IQCM: variants seen among roughly 807,000 people sequenced by gnomAD.
The protein encoded by IQCM is IQ domain-containing protein M.
Under a neutral mutation model 57.6 loss-of-function variants are expected in IQCM, and 45 were observed. The ratio of observed to expected loss-of-function variants is 0.78; its 90% confidence interval spans 0.62 to 1.00. The LOEUF (loss-of-function observed/expected upper bound fraction) is 1.00. Ranked by LOEUF, IQCM falls within the 50% of genes least tolerant of loss-of-function variation. IQCM has a pLI of 0.00. For synonymous variants in IQCM, 148 were observed against 158.9 expected, an observed-to-expected ratio of 0.93 and a Z score of 0.51; for missense variants, 468 against 511.6, an observed-to-expected ratio of 0.91 and a Z score of 0.82.
Position 149,616,041 on chromosome 4 carries a change from T to C in IQCM, c.681+5088A>G, listed in dbSNP as rs555449079. Among the ~76,000 whole-genome samples the C allele has an allele frequency of 4.0e-4, 61 of 152,274 alleles. 2 individuals carry two copies. The highest frequency in any genetic ancestry group is 1.4e-3 in the African/African-American group (58 of 41,550). On this transcript the variant is annotated intron_variant, in intron 8 of 13. Transcript: ENST00000636793. ...ACAGCCACTGTGGAAAATGATATGG[T>C]TATTCCTCAAAAAATTAAACAGAGA... is the stretch of plus-strand genomic sequence containing the variant.
At chr4:149,730,903 G>A (rs1766398422) in intron 5 of IQCM, among the ~76,000 whole-genome samples, 1 of 152,138 alleles carries the variant, frequency 6.6e-6, no homozygotes, top group Non-Finnish European at 1.5e-5. Context: ...TTAAACAAAT[G>A]TTAGGTGAAG....
chr4:149,396,584 A>G (rs946793263), intron 13 of IQCM, among the ~76,000 whole-genome samples: 1 of 152,024 alleles, frequency 6.6e-6, no homozygotes, highest in Admixed American at 6.6e-5. Context: ...AACATTTAAC[A>G]TGAGGTTTAC....
chr4:149,397,785 C>T (rs1397373786), intron 13 of IQCM, among the ~76,000 whole-genome samples: 2 of 151,518 alleles, frequency 1.3e-5, no homozygotes, highest in African/African-American at 4.8e-5. Context: ...TCTTATTTTG[C>T]TATTGAGTTG....
At chr4:149,365,358 C>G (rs559962668) in intron 13 of IQCM, among the ~76,000 whole-genome samples, 1 of 152,022 alleles carries the variant, frequency 6.6e-6, no homozygotes, top group Non-Finnish European at 1.5e-5. Flanking sequence ...AGAATTCAAA[C>G]TATAAAAGAA....
chr4:149,616,397 A>T (rs1755791906), intron 8 of IQCM, among the ~76,000 whole-genome samples: 1 of 152,128 alleles, frequency 6.6e-6, no homozygotes, highest in Non-Finnish European at 1.5e-5. Context: ...ATTAACGAAA[A>T]CAGAAAGTAG....
chr4:149,748,694 A>T (rs1768157905), intron 2 of IQCM: 1 of 152,194 alleles, frequency 6.6e-6, no homozygotes, highest in Non-Finnish European at 1.5e-5. Context: ...AAAGCTTACC[A>T]ACAGATGATG....
chr4:149,583,606 T>G (rs1014503323), intron 9 of IQCM, among the ~76,000 whole-genome samples: 1 of 151,660 alleles, frequency 6.6e-6, no homozygotes, highest in Non-Finnish European at 1.5e-5. Flanking sequence ...GAGTGTTTTA[T>G]TCATGGAATG....
At chr4:149,628,317 T>G (rs1756985480) in intron 7 of IQCM, among the ~76,000 whole-genome samples, 3 of 152,150 alleles carry the variant, frequency 2.0e-5, no homozygotes, top group Non-Finnish European at 4.4e-5. Flanking sequence ...TAACTAAAAG[T>G]TTAACAATAA....
intron 9 of IQCM, among the ~76,000 whole-genome samples, chr4:149,583,597 A>T (rs1314057399): frequency 6.6e-6 from 1 of 151,590 alleles, no homozygotes; most frequent in Non-Finnish European, 1.5e-5. Context: ...ACATCAAAAG[A>T]GTGTTTTATT....
chr4:149,758,713 C>T (rs531864407), intron 2 of IQCM, among the ~76,000 whole-genome samples: 2 of 146,768 alleles, frequency 1.4e-5, no homozygotes, highest in South Asian at 4.4e-4. Context: ...AGATGCTTTA[C>T]ATTATACATC....
rs183430120 is a variant in IQCM, at chr4:149,580,370, G to T, written c.749+7560C>A. 1.8e-3 allele frequency among the ~76,000 whole-genome samples: 267 copies of T among 151,936 alleles called. No individual in the cohort carries two copies. In the Middle Eastern group the frequency reaches 0.021, roughly 12 times the overall value. On this transcript the variant is annotated intron_variant, in intron 9 of 13. Coordinates refer to ENST00000636793, the MANE Select transcript of IQCM (RefSeq NM_001363507.2). ...CTAGGCCAGTAAATTAAATCTTAGA[G>T]TCTATCAGTTATCAACTGGATGTTG...
chr4:149,445,138 T>C (rs1360271389), intron 12 of IQCM, among the ~76,000 whole-genome samples: 3 of 151,862 alleles, frequency 2.0e-5, no homozygotes, highest in Non-Finnish European at 4.4e-5. Flanking sequence ...GTGAACAATA[T>C]AACCTGTGGA....
chr4:149,422,526 A>G (rs1332225856), intron 13 of IQCM, among the ~76,000 whole-genome samples: 1 of 152,050 alleles, frequency 6.6e-6, no homozygotes, highest in Non-Finnish European at 1.5e-5. Context: ...AGACTAATAA[A>G]TAGACAAATG....
intron 13 of IQCM, among the ~76,000 whole-genome samples, chr4:149,406,014 T>C (rs1732956281): frequency 6.6e-6 from 1 of 151,338 alleles, no homozygotes; most frequent in African/African-American, 2.4e-5. Flanking sequence ...ACCACAGATA[T>C]GCTGTTCTTA....
At chr4:149,726,359 C>T (rs1381442255) in intron 5 of IQCM, among the ~76,000 whole-genome samples, 1 of 152,148 alleles carries the variant, frequency 6.6e-6, no homozygotes, top group African/African-American at 2.4e-5. Flanking sequence ...CATCTGCACT[C>T]ATGTCCCTGC....
rs1174021242 is a variant in IQCM, at chr4:149,632,144, T to C, written c.566-10900A>G. Among the ~76,000 whole-genome samples, 3 of 152,238 alleles carry C rather than the reference T, an allele frequency of 2.0e-5. No individual in the cohort carries two copies. In the East Asian group the frequency reaches 5.8e-4, roughly 29 times the overall value. On this transcript the variant is annotated intron_variant, in intron 7 of 13. Transcript: ENST00000636793. ...GCATTGGGAAATCTAGAACTGAGAA[T>C]GACTGGGGTCAGGGGATGACTTTCC...
At chr4:149,641,267 T>C (rs1254367139) in intron 7 of IQCM, among the ~76,000 whole-genome samples, 1 of 152,206 alleles carries the variant, frequency 6.6e-6, no homozygotes, top group Non-Finnish European at 1.5e-5. Flanking sequence ...AATGTTTTTC[T>C]CTACATCTAT....
intron 12 of IQCM, among the ~76,000 whole-genome samples, chr4:149,449,517 C>A (rs1736876318): frequency 6.7e-6 from 1 of 150,124 alleles, no homozygotes; most frequent in African/African-American, 2.4e-5. Flanking sequence ...AGTAAAGTTG[C>A]AGGATACAAA....
intron 12 of IQCM, among the ~76,000 whole-genome samples, chr4:149,463,267 A>G (rs1033029098): frequency 1.3e-5 from 2 of 152,346 alleles, no homozygotes; most frequent in African/African-American, 2.4e-5. Flanking sequence ...AGAAGAGTGC[A>G]GCTTACTGCT....
Sources: allele counts gnomAD v4.1 joint callset (sites outside exome capture counted in the v4.1 genomes callset), GRCh38; gene constraint gnomAD v4.1.1; transcripts MANE v1.5; gene names NCBI Gene and HGNC (gene_info 2026-07-23, HGNC 2026-07-21).